Variants in CDA observed in about 807,000 individuals in gnomAD.
The protein encoded by CDA is cytidine deaminase.
CDA carries 7 observed loss-of-function variants against 15.0 expected under a neutral mutation model. The observed-to-expected ratio is 0.47, with a 90% CI of 0.26 to 0.87. The LOEUF (loss-of-function observed/expected upper bound fraction) is 0.87. Among genes scored for constraint, CDA ranks in the 40% least tolerant of loss-of-function variants. The pLI, the probability that CDA is intolerant of heterozygous loss-of-function variation, is 0.15. For missense variants in CDA, 159 were observed against 182.7 expected, an observed-to-expected ratio of 0.87 and a Z score of 0.75; for synonymous variants, 58 against 73.0, an observed-to-expected ratio of 0.79 and a Z score of 1.05.
Position 20,618,588 on chromosome 1 carries a change from G to C in CDA, c.*20G>C, listed in dbSNP as rs1165412150. On this transcript the variant is annotated 3_prime_UTR_variant, in exon 4 of 4. Coordinates refer to ENST00000375071, the MANE Select transcript of CDA (RefSeq NM_001785.3). ...CAGTGACAGCCAGAGAATGCCCACT[G>C]CCTGTAACAGCCACCTGGAGAACTT... The C allele has an allele frequency of 1.4e-5, 19 of 1,350,396 alleles. No homozygotes were observed. Among genetic ancestry groups the C allele is most frequent in the Non-Finnish European group, 2.0e-5 (19 of 939,048 alleles). The allele number at this position is 1,350,396 out of a possible 1,614,324, so 83.7% of individuals were successfully genotyped here.
At chr1:20,589,332 G>T in intron 1 of CDA, 49 bp downstream of exon 1, 1 of 1,582,084 alleles carries the variant, frequency 6.3e-7, no homozygotes, top group South Asian at 1.1e-5. Context: ...CTGGGTGGTG[G>T]GTCAGAGGAA....
At chr1:20,613,764 G>A (rs1260556626) in intron 2 of CDA, 78 bp from the exon 3 acceptor site, 12 of 1,358,824 alleles carry the variant, frequency 8.8e-6, no homozygotes, top group South Asian at 1.2e-5. Context: ...AACAGACCGA[G>A]TCTCAGGGCC....
chr1:20,599,445 C>G (rs983176325), intron 1 of CDA, among the ~76,000 whole-genome samples: 3 of 151,670 alleles, frequency 2.0e-5, no homozygotes, highest in Non-Finnish European at 1.5e-5. Context: ...GGTGAAACCC[C>G]ATCTCTACCA....
chr1:20,607,398 A>T (rs1310028861), intron 2 of CDA, among the ~76,000 whole-genome samples: 1 of 152,168 alleles, frequency 6.6e-6, no homozygotes, highest in African/African-American at 2.4e-5. Flanking sequence ...CGGAGGAATA[A>T]AGGACGCTGT....
At position 20,589,290 on chromosome 1, in the gene CDA, G is replaced by A. The variant is rs757189423; in HGVS notation, c.154+7G>A. 5.0e-5 allele frequency: 81 copies of A among 1,613,456 alleles called. No individual in the cohort carries two copies. Among genetic ancestry groups the A allele is most frequent in the Non-Finnish European group, 6.4e-5 (76 of 1,179,834 alleles). Reference sequence around the variant, plus strand: ...GAGGGGAGAATCTTCAAAGGTAAAGGTGGGCACCCCAGGGTCCCCCAGCCC... The same window carrying A: ...GAGGGGAGAATCTTCAAAGGTAAAGATGGGCACCCCAGGGTCCCCCAGCCC... On this transcript the variant is annotated splice_region_variant and intron_variant, in intron 1 of 3. Coordinates refer to ENST00000375071, the MANE Select transcript of CDA (RefSeq NM_001785.3).
At chr1:20,611,671 G>T (rs1182341244) in intron 2 of CDA, among the ~76,000 whole-genome samples, 2 of 152,232 alleles carry the variant, frequency 1.3e-5, no homozygotes, top group South Asian at 4.1e-4. Context: ...GAGCCACTGT[G>T]CCTGGCCAAA....
intron 3 of CDA, among the ~76,000 whole-genome samples, chr1:20,614,874 T>C (rs1373587656): frequency 6.6e-6 from 1 of 152,142 alleles, no homozygotes; most frequent in Non-Finnish European, 1.5e-5. Context: ...ACACTTTTTT[T>C]TTTTTGAGAC....
chr1:20,607,714 T>C (rs749198241), intron 2 of CDA, among the ~76,000 whole-genome samples: 1 of 152,218 alleles, frequency 6.6e-6, no homozygotes, highest in Non-Finnish European at 1.5e-5. Flanking sequence ...CCAACTGCTG[T>C]ACTCTAGGTA....
At chr1:20,615,357 G>A (rs2052791790) in intron 3 of CDA, among the ~76,000 whole-genome samples, 1 of 151,514 alleles carries the variant, frequency 6.6e-6, no homozygotes, top group African/African-American at 2.4e-5. Flanking sequence ...CGGTAAGCCA[G>A]GTATGGTGGC....
At chr1:20,606,404 T>C (rs2052695555) in intron 2 of CDA, among the ~76,000 whole-genome samples, 2 of 152,016 alleles carry the variant, frequency 1.3e-5, no homozygotes, top group African/African-American at 4.8e-5. Flanking sequence ...CCCCATTTTA[T>C]AGCTGATGAA....
chr1:20,591,731 A>C (rs1350983053), intron 1 of CDA, among the ~76,000 whole-genome samples: 2 of 152,206 alleles, frequency 1.3e-5, no homozygotes, highest in African/African-American at 2.4e-5. Context: ...TGGAGGCTTC[A>C]GAGTCAGAGG....
chr1:20,603,502 C>T (rs2052666153), intron 1 of CDA, among the ~76,000 whole-genome samples: 1 of 152,188 alleles, frequency 6.6e-6, no homozygotes, highest in African/African-American at 2.4e-5. Context: ...GGCAAGCAAC[C>T]TCCTTACCAA....
chr1:20,609,260 G>C (rs544526697), intron 2 of CDA, among the ~76,000 whole-genome samples: 1 of 152,130 alleles, frequency 6.6e-6, no homozygotes, highest in Admixed American at 6.5e-5. Context: ...CGAGGCAGGC[G>C]GATCATGAGG....
chr1:20,590,650 G>A (rs1275911935), intron 1 of CDA, among the ~76,000 whole-genome samples: 1 of 152,184 alleles, frequency 6.6e-6, no homozygotes, highest in South Asian at 2.1e-4. Flanking sequence ...GTCCACTTAT[G>A]TATCTGCCTC....
chr1:20,611,689 G>A (rs1394343720), intron 2 of CDA, among the ~76,000 whole-genome samples: 2 of 152,148 alleles, frequency 1.3e-5, no homozygotes, highest in African/African-American at 4.8e-5. Flanking sequence ...AAAGCCGCCT[G>A]TTTTAGGGAC....
At chr1:20,600,839 G>C (rs1457610194) in intron 1 of CDA, among the ~76,000 whole-genome samples, 1 of 152,020 alleles carries the variant, frequency 6.6e-6, no homozygotes, top group Non-Finnish European at 1.5e-5. Context: ...AAGGTGGGGA[G>C]CAAGAGGCAT....
chr1:20,605,650 A>T lies in CDA; in HGVS notation c.266+611A>T, dbSNP rs1429482067. On this transcript the variant is annotated intron_variant, in intron 2 of 3. Transcript: ENST00000375071. Reference sequence around the variant, plus strand: ...ACTCCAGCCTGGGCGACAGAGCAAGACTCCGTCTCAAAAAAAAAAAAAATT... The same window carrying T: ...ACTCCAGCCTGGGCGACAGAGCAAGTCTCCGTCTCAAAAAAAAAAAAAATT... 6.4e-5 allele frequency among the ~76,000 whole-genome samples: 7 copies of T among 108,718 alleles called. 1 individual carries two copies. The highest frequency in any genetic ancestry group is 2.0e-4 in the African/African-American group (6 of 29,966). The allele number at this position is 108,718 out of a possible 152,430, so 71.3% of individuals were successfully genotyped here. A position where few individuals can be genotyped will look rare whatever the true frequency, so the allele number is the denominator to read the frequency against.
At chr1:20,606,703 G>A (rs557557100) in intron 2 of CDA, among the ~76,000 whole-genome samples, 1 of 152,266 alleles carries the variant, frequency 6.6e-6, no homozygotes, top group South Asian at 2.1e-4. Flanking sequence ...GTCCAGCCAA[G>A]GTTCTGGCTG....
chr1:20,595,045 G>C (rs1368071734), intron 1 of CDA, among the ~76,000 whole-genome samples: 2 of 152,140 alleles, frequency 1.3e-5, no homozygotes, highest in African/African-American at 4.8e-5. Flanking sequence ...CCAGGATGGT[G>C]CCCAGACACA....
Sources: gnomAD v4.1 joint callset for allele counts (sites outside exome capture counted in the v4.1 genomes callset) on GRCh38, gnomAD v4.1.1 for gene constraint, MANE v1.5 for transcripts, NCBI Gene and HGNC (gene_info 2026-07-23, HGNC 2026-07-21) for gene names.